Variants in RNPEP observed in about 807,000 individuals in gnomAD.
RNPEP encodes the protein arginyl aminopeptidase.
A neutral mutation model predicts 70.1 loss-of-function variants in RNPEP; 57 were observed. The ratio of observed to expected loss-of-function variants is 0.81; its 90% CI spans 0.66 to 1.01. RNPEP has a LOEUF of 1.01. Among genes scored for constraint, RNPEP ranks in the 50% least tolerant of loss-of-function variants. The pLI is 0.00. For synonymous variants in RNPEP, 335 were observed against 357.4 expected (o/e 0.94, Z 0.71); for missense variants, 787 against 852.4 (o/e 0.92, Z 0.96).
At chr1:202,001,879 G>A (rs967359761) in intron 8 of RNPEP, 112 bp downstream of exon 8, 1 of 720,934 alleles carries the variant, frequency 1.4e-6, no homozygotes, top group Middle Eastern at 2.5e-4. Flanking sequence ...AGTCAGCTAG[G>A]TAGGGGCGTT....
chr1:201,985,263 A>G (rs1004957775), intron 1 of RNPEP, among the ~76,000 whole-genome samples: 4 of 151,828 alleles, frequency 2.6e-5, no homozygotes, highest in Non-Finnish European at 5.9e-5. Flanking sequence ...GCATTCAATG[A>G]TCAGTCAATT....
chr1:202,003,843 C>T (rs187038479), intron 9 of RNPEP, among the ~76,000 whole-genome samples: 2 of 152,194 alleles, frequency 1.3e-5, no homozygotes. Context: ...ATGTTAATAC[C>T]CAGGTGACAG....
chr1:201,984,832 T>TC (rs1683074529), intron 1 of RNPEP, among the ~76,000 whole-genome samples: 189 of 13,260 alleles, frequency 0.014, 7 homozygotes, highest in African/African-American at 0.03. Context: ...TTTTTTTTTT[T>TC]TTTTTTTTTT....
In RNPEP at chr1:201,982,764, C is replaced by A; in HGVS notation, c.98C>A (p.Ala33Asp). ...GTGGCCTCGGCCTCCAACTTCCGGGCCTTTGAGCTGCTGCACTTGCACCTG... is the reference window on the plus strand; with the variant it reads ...GTGGCCTCGGCCTCCAACTTCCGGGACTTTGAGCTGCTGCACTTGCACCTG... ...VDVASASNFR[A>D]FELLHLHLDL... Residue 33 changes from alanine (A) to aspartate (D), a missense_variant, in exon 1 of 11, where the codon GCC (alanine) becomes GAC (aspartate). Transcript: ENST00000295640. 7.3e-7 allele frequency: 1 copy of A among 1,363,642 alleles called. No individual in the cohort carries two copies. Among genetic ancestry groups the A allele is most frequent in the Non-Finnish European group, 9.5e-7 (1 of 1,057,090 alleles). 84.5% of individuals were successfully genotyped at this position (1,363,642 alleles called of 1,614,324 possible). A position where few individuals can be genotyped will look rare whatever the true frequency, so the allele number is the denominator to read the frequency against.
chr1:201,996,152 G>A lies in RNPEP; in HGVS notation c.743G>A (p.Arg248Gln), dbSNP rs777231337. ...LVSAEVGPRSRVWAEPCLIDA... is the reference protein window; with the variant it reads ...LVSAEVGPRSQVWAEPCLIDA... Reference sequence around the variant, plus strand: ...CTCTGCTCTCTTGTCTTTAGGAGCCGGGTGTGGGCTGAGCCCTGCCTGATT... The same window carrying A: ...CTCTGCTCTCTTGTCTTTAGGAGCCAGGTGTGGGCTGAGCCCTGCCTGATT... The change falls in exon 4 of 11, where the codon CGG (arginine) becomes CAG (glutamine). Residue 248 changes from arginine (R) to glutamine (Q), a missense_variant. Arg to Gln is a conservative substitution (Grantham distance 43). Coordinates refer to ENST00000295640, the MANE Select transcript of RNPEP (RefSeq NM_020216.4). 1.5e-5 allele frequency: 24 copies of A among 1,613,532 alleles called. 1 individual carries two copies. Among genetic ancestry groups the A allele is most frequent in the South Asian group, 4.4e-5 (4 of 91,062 alleles).
At chr1:201,988,336 T>G (rs1247020378) in intron 1 of RNPEP, among the ~76,000 whole-genome samples, 1 of 150,852 alleles carries the variant, frequency 6.6e-6, no homozygotes, top group Non-Finnish European at 1.5e-5. Flanking sequence ...CACGCGCCTG[T>G]GGTCCCAGCT....
chr1:201,998,912 CAGTT>C (rs1683672678), intron 5 of RNPEP, among the ~76,000 whole-genome samples: 1 of 152,088 alleles, frequency 6.6e-6, no homozygotes, highest in Admixed American at 6.6e-5. Context: ...CTGACAGAAA[CAGTT>C]AGATGAAAAT....
intron 3 of RNPEP, among the ~76,000 whole-genome samples, chr1:201,990,033 C>T (rs1315100306): frequency 2.0e-5 from 3 of 152,172 alleles, no homozygotes; most frequent in African/African-American, 2.4e-5. Flanking sequence ...TTCGTAGAGA[C>T]GGGGTTTCAC....
chr1:202,004,954 C>T (rs1483364701), intron 10 of RNPEP, among the ~76,000 whole-genome samples: 6 of 152,198 alleles, frequency 3.9e-5, no homozygotes, highest in African/African-American at 1.4e-4. Context: ...CCCGGGCTCT[C>T]AGGATGAACT....
chr1:201,996,331 G>C (rs568739372), intron 4 of RNPEP, 68 bp downstream of exon 4: 1 of 1,150,242 alleles, frequency 8.7e-7, no homozygotes, highest in South Asian at 1.3e-5. Flanking sequence ...CTTCCTCTTC[G>C]TGTGGCTTTT....
intron 1 of RNPEP, 43 bp from the exon 2 acceptor site, chr1:201,988,860 CG>C: frequency 6.4e-7 from 1 of 1,573,806 alleles, no homozygotes; most frequent in Non-Finnish European, 8.6e-7. Context: ...AGACTGAGCT[CG>C]TGTGGGAGAT....
intron 6 of RNPEP, chr1:202,000,273 G>A (rs955853154): frequency 2.2e-5 from 8 of 355,974 alleles, no homozygotes; most frequent in Non-Finnish European, 4.1e-5. Flanking sequence ...AGTCCATATC[G>A]TTTTACCAGG....
chr1:201,987,738 C>T (rs1683184650), intron 1 of RNPEP, among the ~76,000 whole-genome samples: 1 of 152,000 alleles, frequency 6.6e-6, no homozygotes, highest in Non-Finnish European at 1.5e-5. Context: ...GCACCCAACC[C>T]AGATTTGCCC....
At chr1:201,991,404 G>A (rs1415572122) in intron 3 of RNPEP, among the ~76,000 whole-genome samples, 4 of 152,128 alleles carry the variant, frequency 2.6e-5, no homozygotes, top group African/African-American at 9.7e-5. Context: ...GAGCCACCAC[G>A]CCGGGCCGTG....
chr1:201,999,556 T>C (rs4589165), intron 5 of RNPEP, among the ~76,000 whole-genome samples: 17,321 of 151,938 alleles, frequency 0.11, 1,223 homozygotes, highest in East Asian at 0.17. Flanking sequence ...AATAAAATAA[T>C]AAAATAAATG....
At chr1:201,983,885 G>A (rs944509640) in intron 1 of RNPEP, 23 of 993,664 alleles carry the variant, frequency 2.3e-5, no homozygotes, top group African/African-American at 1.6e-4. Context: ...TATCTCTCAG[G>A]TAGAGTTGGT....
At position 202,001,750 on chromosome 1, in the gene RNPEP, G is replaced by A; in HGVS notation, c.1409G>A (p.Arg470Lys). 6.3e-7 allele frequency: 1 copy of A among 1,598,464 alleles called. No homozygotes were observed. The highest frequency in any genetic ancestry group is 8.6e-7 in the Non-Finnish European group (1 of 1,165,790). Reference sequence around the variant, plus strand: ...TATTTCCCTGAGCTTAAGAAAAAGAGAGTGGATATCATTCCAGGTAAGCAG... The same window carrying A: ...TATTTCCCTGAGCTTAAGAAAAAGAAAGTGGATATCATTCCAGGTAAGCAG... ...LEYFPELKKK[R>K]VDIIPGFEFD... Residue 470 changes from arginine to lysine, a missense_variant, in exon 8 of 11, where the codon AGA (arginine) becomes AAA (lysine). By Grantham distance (26) the Arg-to-Lys change is conservative. Transcript: ENST00000295640.
At chr1:202,005,441 G>A (rs2102987176) in intron 10 of RNPEP, 117 bp from the exon 11 acceptor site, 1 of 1,155,902 alleles carries the variant, frequency 8.7e-7, no homozygotes, top group Non-Finnish European at 1.3e-6. Context: ...CAGCTGTGAT[G>A]CCCACATCCC....
At chr1:202,000,727 C>G (rs1683760066) in intron 6 of RNPEP, among the ~76,000 whole-genome samples, 1 of 151,978 alleles carries the variant, frequency 6.6e-6, no homozygotes, top group South Asian at 2.1e-4. Flanking sequence ...AACCCTGTCT[C>G]TACTAAAAAT....
Sources: allele counts gnomAD v4.1 joint callset (sites outside exome capture counted in the v4.1 genomes callset), GRCh38; gene constraint gnomAD v4.1.1; transcripts MANE v1.5; gene names NCBI Gene and HGNC (gene_info 2026-07-23, HGNC 2026-07-21).